The following ASB17 variants were observed in gnomAD, a reference collection of about 807,000 sequenced individuals.
ASB17 encodes the protein ankyrin repeat and SOCS box containing 17.
ASB17 carries 26 observed loss-of-function variants against 25.7 expected under a neutral mutation model. That is an observed-to-expected ratio of 1.01 (90% CI 0.74 to 1.40). The LOEUF (loss-of-function observed/expected upper bound fraction) is 1.40, where lower values mean the gene tolerates loss of function less well. ASB17 is among the 40% of genes most tolerant of loss of function. The probability of loss-of-function intolerance (pLI) is 0.00; values close to 1 mark genes in which losing one functional copy is unlikely to be tolerated. For missense variants in ASB17, 326 were observed against 338.5 expected (o/e 0.96, Z 0.29); for synonymous variants, 128 against 121.4 (o/e 1.05, Z -0.36).
intron 1 of ASB17, among the ~76,000 whole-genome samples, chr1:75,927,658 TA>T: frequency 6.6e-6 from 1 of 151,948 alleles, no homozygotes; most frequent in Non-Finnish European, 1.5e-5. Flanking sequence ...CACCCCCCTT[TA>T]AAAAAATTAG....
chr1:75,931,171 T>C (rs902182450), intron 1 of ASB17, among the ~76,000 whole-genome samples: 1 of 152,220 alleles, frequency 6.6e-6, no homozygotes, highest in African/African-American at 2.4e-5. Context: ...GATTAATAAA[T>C]ATTTTGCTGA....
At chr1:75,928,248 T>A (rs1029417057) in intron 1 of ASB17, among the ~76,000 whole-genome samples, 6 of 152,346 alleles carry the variant, frequency 3.9e-5, no homozygotes, top group African/African-American at 1.4e-4. Flanking sequence ...CCTCACTTAC[T>A]AGTATATGAG....
intron 1 of ASB17, 58 bp downstream of exon 1, chr1:75,931,833 T>A (rs1392242243): frequency 6.8e-7 from 1 of 1,464,742 alleles, no homozygotes; most frequent in Non-Finnish European, 9.1e-7. Flanking sequence ...AAAGAAGCAC[T>A]CTACTCTCGT....
intron 1 of ASB17, 125 bp from the exon 2 acceptor site, chr1:75,922,484 GTTTCTT>G: frequency 5.8e-6 from 1 of 172,146 alleles, no homozygotes; most frequent in South Asian, 1.9e-4. Context: ...AACTTTATAT[GTTTCTT>G]TTTTTTTTTT....
Position 75,932,124 on chromosome 1 carries a change from C to T in ASB17, c.168G>A (p.Arg56=). 1 of 1,614,104 alleles carries T rather than the reference C, an allele frequency of 6.2e-7. No homozygotes were observed. Among genetic ancestry groups the T allele is most frequent in the Non-Finnish European group, 8.5e-7 (1 of 1,179,998 alleles). The change falls in exon 1 of 3, where the codon AGG becomes AGA. Residue 56 remains arginine, a synonymous_variant. Transcript: ENST00000284142. ...RIYRSLAKIL[R]YVDLDGFDAL... The stretch of plus-strand genomic sequence containing the variant: ...CGTCAAAACCATCCAAGTCCACATA[C>T]CTCAGAATTTTTGCCAGTGATCTGT...
At chr1:75,927,475 A>T (rs1653202636) in intron 1 of ASB17, among the ~76,000 whole-genome samples, 1 of 152,098 alleles carries the variant, frequency 6.6e-6, no homozygotes, top group Non-Finnish European at 1.5e-5. Context: ...GTTTTAGTTT[A>T]AGTTCTCATA....
intron 1 of ASB17, 129 bp from the exon 2 acceptor site, chr1:75,922,488 C>CTTTTTTTTGTTTTTTTT (rs1653058088): frequency 8.5e-6 from 1 of 118,088 alleles, no homozygotes; most frequent in Non-Finnish European, 1.4e-5. Flanking sequence ...TTATATGTTT[C>CTTTTTTTTGTTTTTTTT]TTTTTTTTTT....
chr1:75,920,505 C>T lies in ASB17; in HGVS notation c.682-1347G>A, dbSNP rs549943323. Reference sequence around the variant, plus strand: ...ACATCCTCTGTGCTTACAAGACTCACGGTGTAGAGGTAGAAATATCTAAAC... The same window carrying T: ...ACATCCTCTGTGCTTACAAGACTCATGGTGTAGAGGTAGAAATATCTAAAC... On this transcript the variant is annotated intron_variant, in intron 2 of 2. Coordinates refer to ENST00000284142, the MANE Select transcript of ASB17 (RefSeq NM_080868.3). Among the ~76,000 whole-genome samples the T allele has an allele frequency of 5.3e-5, 8 of 152,166 alleles. No individual in the cohort carries two copies. The East Asian group carries it at 5.8e-4, about 11-fold the overall frequency.
intron 1 of ASB17, among the ~76,000 whole-genome samples, chr1:75,923,017 TA>T (rs1653072906): frequency 1.3e-5 from 2 of 152,208 alleles, no homozygotes; most frequent in Non-Finnish European, 1.5e-5. Flanking sequence ...CTGGAAATAA[TA>T]AAATGGAAAA....
chr1:75,925,495 T>C (rs1471241128), intron 1 of ASB17, among the ~76,000 whole-genome samples: 1 of 152,080 alleles, frequency 6.6e-6, no homozygotes, highest in East Asian at 1.9e-4. Context: ...TAAAATGAGA[T>C]TTAAAAGTCT....
intron 2 of ASB17, among the ~76,000 whole-genome samples, chr1:75,920,860 C>T (rs1436451303): frequency 1.3e-5 from 2 of 152,052 alleles, no homozygotes; most frequent in African/African-American, 2.4e-5. Flanking sequence ...CTGCAAGCTC[C>T]GCCTCCTGGG....
chr1:75,923,033 G>T (rs1029342511), intron 1 of ASB17, among the ~76,000 whole-genome samples: 1 of 152,170 alleles, frequency 6.6e-6, no homozygotes, highest in Non-Finnish European at 1.5e-5. Flanking sequence ...GGAAAAGGAG[G>T]ACAGAACTTT....
At chr1:75,930,479 T>C (rs776788780) in intron 1 of ASB17, among the ~76,000 whole-genome samples, 41 of 151,824 alleles carry the variant, frequency 2.7e-4, no homozygotes, top group Non-Finnish European at 4.7e-4. Flanking sequence ...CCAGTGAGCA[T>C]CGACCAGTTG....
At chr1:75,920,280 G>A (rs962246479) in intron 2 of ASB17, among the ~76,000 whole-genome samples, 2 of 152,156 alleles carry the variant, frequency 1.3e-5, no homozygotes, top group Non-Finnish European at 2.9e-5. Context: ...AATGTTAATA[G>A]ATTGACTTAG....
intron 1 of ASB17, 129 bp from the exon 2 acceptor site, chr1:75,922,488 C>CTTTTTTTTTTTTTTTTTTTTTTTTTTTT (rs3037164): frequency 8.5e-6 from 1 of 118,088 alleles, no homozygotes; most frequent in Non-Finnish European, 1.4e-5. Context: ...TTATATGTTT[C>CTTTTTTTTTTTTTTTTTTTTTTTTTTTT]TTTTTTTTTT....
intron 1 of ASB17, among the ~76,000 whole-genome samples, chr1:75,929,097 C>T (rs192233916): frequency 6.6e-6 from 1 of 151,976 alleles, no homozygotes; most frequent in East Asian, 1.9e-4. Context: ...TGAAGATGTT[C>T]AAGAAACAGA....
Position 75,922,297 on chromosome 1 carries a change from G to A in ASB17, c.464C>T (p.Ala155Val), listed in dbSNP as rs767844980. Residue 155 changes from alanine (A) to valine (V), a missense_variant, in exon 2 of 3, where the codon GCT (alanine) becomes GTT (valine). By Grantham distance (64) the Ala-to-Val change is moderately conservative. Coordinates refer to ENST00000284142, the MANE Select transcript of ASB17 (RefSeq NM_080868.3). ...GAAGATATTAGACTGTCTTGTCTGA[G>A]CTACATAAAAGAGAGGTGTGATGCC... The part of the protein sequence containing the change: ...LSGITPLFYV[A>V]QTRQSNIFKI... The A allele has an allele frequency of 2.5e-6, 4 of 1,613,090 alleles. No individual in the cohort carries two copies. Among genetic ancestry groups the A allele is most frequent in the Non-Finnish European group, 3.4e-6 (4 of 1,179,560 alleles).
At chr1:75,931,785 A>G (rs1653326638) in intron 1 of ASB17, 106 bp downstream of exon 1, 1 of 1,001,976 alleles carries the variant, frequency 1.0e-6, no homozygotes, top group Admixed American at 3.3e-5. Context: ...AGAATTCCTT[A>G]CTTCACATAT....
At chr1:75,931,549 C>T (rs1557546452) in intron 1 of ASB17, among the ~76,000 whole-genome samples, 1 of 152,110 alleles carries the variant, frequency 6.6e-6, no homozygotes, top group Non-Finnish European at 1.5e-5. Context: ...AGCTTATAAA[C>T]ATATATAAAT....
Sources: gnomAD v4.1 joint callset for allele counts (sites outside exome capture counted in the v4.1 genomes callset) on GRCh38, gnomAD v4.1.1 for gene constraint, MANE v1.5 for transcripts, NCBI Gene and HGNC (gene_info 2026-07-23, HGNC 2026-07-21) for gene names.